Variants in FAT3 observed in about 807,000 individuals in gnomAD.
FAT3 encodes the protein protocadherin Fat 3.
Under a neutral mutation model 310.2 loss-of-function variants are expected in FAT3, and 95 were observed. That is an observed-to-expected ratio of 0.31 (90% CI 0.26 to 0.36). The LOEUF (loss-of-function observed/expected upper bound fraction) is 0.36, where lower values mean the gene tolerates loss of function less well. Among genes scored for constraint, FAT3 ranks in the 10% least tolerant of loss-of-function variants. The pLI is 1.00. For missense variants in FAT3, 5,408 were observed against 5,715.6 expected, an observed-to-expected ratio of 0.95 and a Z score of 1.74; for synonymous variants, 2,314 against 2,192.9, an observed-to-expected ratio of 1.06 and a Z score of -1.54.
At chr11:92,502,286 T>A (rs1482845998) in intron 2 of FAT3, among the ~76,000 whole-genome samples, 1 of 152,018 alleles carries the variant, frequency 6.6e-6, no homozygotes, top group African/African-American at 2.4e-5. Flanking sequence ...GATAGGGTAG[T>A]TTGTTCCTAT....
intron 2 of FAT3, among the ~76,000 whole-genome samples, chr11:92,514,748 C>G (rs1953419826): frequency 6.6e-6 from 1 of 152,152 alleles, no homozygotes; most frequent in South Asian, 2.1e-4. Context: ...GAAGAAAAGC[C>G]CAGCAAAGAA....
At chr11:92,482,232 A>T (rs1952246166) in intron 2 of FAT3, among the ~76,000 whole-genome samples, 1 of 152,170 alleles carries the variant, frequency 6.6e-6, no homozygotes. Context: ...CATTTCCAAC[A>T]TTATTACAAT....
intron 4 of FAT3, among the ~76,000 whole-genome samples, chr11:92,746,861 T>A (rs1185500418): frequency 6.6e-6 from 1 of 152,270 alleles, no homozygotes; most frequent in Admixed American, 6.5e-5. Context: ...TTTGACTCCA[T>A]GTCCCACATC....
chr11:92,717,350 G>A (rs1039195972), intron 4 of FAT3, among the ~76,000 whole-genome samples: 9 of 152,128 alleles, frequency 5.9e-5, no homozygotes, highest in South Asian at 2.1e-4. Flanking sequence ...CTAATTCAGC[G>A]CTTCAGCTAA....
intron 3 of FAT3, among the ~76,000 whole-genome samples, chr11:92,601,058 G>A (rs905512616): frequency 3.3e-5 from 5 of 152,108 alleles, no homozygotes; most frequent in Non-Finnish European, 7.4e-5. Context: ...AGGAGGAAGG[G>A]ATGGAGCATA....
chr11:92,775,323 CT>C (rs1946572218), intron 7 of FAT3, among the ~76,000 whole-genome samples: 1 of 152,170 alleles, frequency 6.6e-6, no homozygotes, highest in Admixed American at 6.5e-5. Context: ...AGCCAGCTGC[CT>C]CTTAGTTTGA....
intron 4 of FAT3, among the ~76,000 whole-genome samples, chr11:92,742,148 G>A (rs1434892384): frequency 6.6e-6 from 1 of 152,182 alleles, no homozygotes; most frequent in Admixed American, 6.5e-5. Context: ...ATGCAGGGGT[G>A]TGAAAGAAGA....
intron 7 of FAT3, among the ~76,000 whole-genome samples, chr11:92,780,221 G>A (rs530052647): frequency 6.6e-6 from 1 of 150,524 alleles, no homozygotes; most frequent in African/African-American, 2.4e-5. Flanking sequence ...GAGTGCAGTG[G>A]CACAATCACG....
chr11:92,315,129 C>T (rs1007987075), intron 1 of FAT3, among the ~76,000 whole-genome samples: 2 of 151,246 alleles, frequency 1.3e-5, no homozygotes, highest in Non-Finnish European at 2.9e-5. Context: ...AATGATAATC[C>T]TGTGAATAAC....
intron 2 of FAT3, among the ~76,000 whole-genome samples, chr11:92,408,422 G>A (rs1457877176): frequency 6.6e-6 from 1 of 152,186 alleles, no homozygotes; most frequent in African/African-American, 2.4e-5. Flanking sequence ...TCTCAACTCA[G>A]CTTCTTGACT....
intron 1 of FAT3, among the ~76,000 whole-genome samples, chr11:92,328,920 G>A (rs904660289): frequency 1.3e-5 from 2 of 152,118 alleles, no homozygotes; most frequent in Non-Finnish European, 2.9e-5. Context: ...GTGGGGTAAA[G>A]CACTAGGCCA....
intron 4 of FAT3, 55 bp from the exon 5 acceptor site, chr11:92,761,801 T>TGG: frequency 6.6e-7 from 1 of 1,522,840 alleles, no homozygotes; most frequent in Non-Finnish European, 8.9e-7. Context: ...TAGGTTAACA[T>TGG]GTAATAGCAA....
chr11:92,509,835 A>G (rs1481195803), intron 2 of FAT3, among the ~76,000 whole-genome samples: 3 of 152,198 alleles, frequency 2.0e-5, no homozygotes, highest in African/African-American at 7.2e-5. Flanking sequence ...AAAGACACCA[A>G]CAGTTATTAT....
chr11:92,844,215 T>C lies in FAT3; in HGVS notation c.10848T>C (p.Tyr3616=), dbSNP rs1318981593. Residue 3616 remains tyrosine, a synonymous_variant, in exon 19 of 28, where the codon TAT becomes TAC. Transcript: ENST00000525166. ...TGGGAGGCCTGGACAGCGGCAAGTA[T>C]GTCCTGAATGTGTCTGTGAGTGATG... ...IALGGLDSGK[Y]VLNVSVSDGR... is the part of the protein sequence containing the mutation. 1.9e-6 allele frequency: 3 copies of C among 1,614,058 alleles called. No homozygotes were observed. Among genetic ancestry groups the C allele is most frequent in the Non-Finnish European group, 2.5e-6 (3 of 1,179,900 alleles).
At chr11:92,849,608 T>C (rs1948768899) in intron 19 of FAT3, among the ~76,000 whole-genome samples, 1 of 152,094 alleles carries the variant, frequency 6.6e-6, no homozygotes, top group African/African-American at 2.4e-5. Context: ...CTGTAAAAAG[T>C]TATAGATGGT....
chr11:92,734,086 C>T (rs1591661934), intron 4 of FAT3, among the ~76,000 whole-genome samples: 1 of 152,176 alleles, frequency 6.6e-6, no homozygotes. Context: ...TTTCCAGCCT[C>T]CAAAGTCCTC....
intron 21 of FAT3, among the ~76,000 whole-genome samples, chr11:92,864,339 A>C (rs894551434): frequency 6.6e-6 from 1 of 152,224 alleles, no homozygotes; most frequent in Admixed American, 6.5e-5. Context: ...AGTTAAAAAC[A>C]GCAGGTGGAC....
intron 4 of FAT3, among the ~76,000 whole-genome samples, chr11:92,715,052 C>T (rs1305214714): frequency 6.6e-6 from 1 of 150,486 alleles, no homozygotes; most frequent in Non-Finnish European, 1.5e-5. Flanking sequence ...GACAACTAGC[C>T]TCCTCCAAAA....
chr11:92,412,734 T>TATATATACATACAC (rs1565296384), intron 2 of FAT3, among the ~76,000 whole-genome samples: 2 of 11,882 alleles, frequency 1.7e-4, no homozygotes, highest in African/African-American at 3.5e-4. Flanking sequence ...TATATATATA[T>TATATATACATACAC]ATATATATAT....
Sources: allele counts gnomAD v4.1 joint callset (sites outside exome capture counted in the v4.1 genomes callset), GRCh38; gene constraint gnomAD v4.1.1; transcripts MANE v1.5; gene names NCBI Gene and HGNC (gene_info 2026-07-23, HGNC 2026-07-21).